Variants in PCDHGA3 observed in about 807,000 individuals in gnomAD.
PCDHGA3 encodes the protein protocadherin gamma subfamily A, 3.
Under a neutral mutation model 58.5 loss-of-function variants are expected in PCDHGA3, and 40 were observed. The ratio of observed to expected loss-of-function variants is 0.68; its 90% CI spans 0.53 to 0.89. The LOEUF is 0.89. Ranked by LOEUF, PCDHGA3 falls within the 40% of genes least tolerant of loss-of-function variation. The probability of loss-of-function intolerance (pLI) is 0.00; values close to 1 mark genes in which losing one functional copy is unlikely to be tolerated. For synonymous variants in PCDHGA3, 530 were observed against 525.7 expected, an observed-to-expected ratio of 1.01 and a Z score of -0.11; for missense variants, 1,223 against 1,195.9, an observed-to-expected ratio of 1.02 and a Z score of -0.33.
intron 1 of PCDHGA3, chr5:141,375,942 G>A (rs1772069544): frequency 1.2e-6 from 2 of 1,613,400 alleles, no homozygotes; most frequent in African/African-American, 2.7e-5. Flanking sequence ...TTCTCAGTGG[G>A]CCTGCACACG....
At chr5:141,400,404 GT>G (rs2094016313) in intron 1 of PCDHGA3, 1 of 1,613,948 alleles carries the variant, frequency 6.2e-7, no homozygotes, top group South Asian at 1.1e-5. Flanking sequence ...GAAAGACGGA[GT>G]TTAATTTCCT....
intron 1 of PCDHGA3, among the ~76,000 whole-genome samples, chr5:141,484,211 G>A (rs1362875959): frequency 6.6e-6 from 1 of 152,158 alleles, no homozygotes; most frequent in Non-Finnish European, 1.5e-5. Context: ...ATGAACATTA[G>A]CATTCTGCCA....
intron 1 of PCDHGA3, chr5:141,384,678 G>A (rs770501792): frequency 5.0e-6 from 8 of 1,614,194 alleles, no homozygotes; most frequent in Middle Eastern, 3.3e-4. Flanking sequence ...AGGTGGTGGC[G>A]GTGGACAAAG....
At chr5:141,374,560 C>A (rs185125730) in intron 1 of PCDHGA3, 12 of 1,613,708 alleles carry the variant, frequency 7.4e-6, no homozygotes, top group African/African-American at 1.3e-5. Context: ...AGGTCTATGA[C>A]CCTGATGTGG....
intron 1 of PCDHGA3, chr5:141,391,730 G>T (rs1334378138): frequency 1.3e-5 from 2 of 152,140 alleles, no homozygotes; most frequent in African/African-American, 4.8e-5. Flanking sequence ...AGACTTTTTT[G>T]TAGTCATACT....
At chr5:141,435,112 T>A (rs906494104) in intron 1 of PCDHGA3, among the ~76,000 whole-genome samples, 1 of 152,102 alleles carries the variant, frequency 6.6e-6, no homozygotes, top group Non-Finnish European at 1.5e-5. Context: ...GGGGGAGAAA[T>A]CTAATTCAAT....
intron 1 of PCDHGA3, chr5:141,365,288 G>T (rs1293975471): frequency 1.2e-6 from 2 of 1,613,842 alleles, no homozygotes; most frequent in African/African-American, 2.7e-5. Context: ...CATGGAAGTG[G>T]TAGCTCAGGA....
intron 1 of PCDHGA3, chr5:141,478,289 G>A (rs1210628852): frequency 1.2e-6 from 2 of 1,614,146 alleles, no homozygotes; most frequent in African/African-American, 2.7e-5. Context: ...GCAGTCTAGA[G>A]ACCTATACCG....
In PCDHGA3 at chr5:141,422,942, G is replaced by T. The variant is rs199976232; in HGVS notation, c.2425-71865G>T. On this transcript the variant is annotated intron_variant, in intron 1 of 3. Transcript: ENST00000253812. Reference sequence around the variant, plus strand: ...CTGTACCCTGCCCTCCCCACAGACGGCTCCACTGGCGTGGAGCTGGCGCCC... The same window carrying T: ...CTGTACCCTGCCCTCCCCACAGACGTCTCCACTGGCGTGGAGCTGGCGCCC... The T allele has an allele frequency of 3.6e-4, 583 of 1,614,096 alleles. 1 individual carries two copies. Among genetic ancestry groups the T allele is most frequent in the South Asian group, 5.2e-4 (47 of 91,090 alleles).
At position 141,432,872 on chromosome 5, in the gene PCDHGA3, C is replaced by T; in HGVS notation, c.2425-61935C>T. On this transcript the variant is annotated intron_variant, in intron 1 of 3. Transcript: ENST00000253812. This position sits in a 1 kb window ranked among gnomAD's most constrained non-coding sequence, Gnocchi z 6.0. ...GGTGGCCGCGGTCTCCTGCGTCTTC[C>T]TGGCCTTCGTCATCTTGCTGCTGGC... is the stretch of plus-strand genomic sequence containing the variant. 1.9e-6 allele frequency: 3 copies of T among 1,614,192 alleles called. No homozygotes were observed. Among genetic ancestry groups the T allele is most frequent in the Non-Finnish European group, 2.5e-6 (3 of 1,180,018 alleles).
chr5:141,395,101 C>A (rs1197761808), intron 1 of PCDHGA3: 2 of 1,614,164 alleles, frequency 1.2e-6, no homozygotes, highest in East Asian at 4.5e-5. Context: ...ACCGCCGACT[C>A]GCGGAAGAGT....
At chr5:141,385,516 C>A in intron 1 of PCDHGA3, 1 of 1,367,218 alleles carries the variant, frequency 7.3e-7, no homozygotes, top group South Asian at 1.9e-5. Flanking sequence ...TAGTGAAAGC[C>A]TATGGACAAG....
intron 1 of PCDHGA3, chr5:141,357,599 C>T (rs1279511012): frequency 6.2e-7 from 1 of 1,613,924 alleles, no homozygotes; most frequent in African/African-American, 1.3e-5. Flanking sequence ...TTACTTGAAA[C>T]AAAAGGAGAC....
rs1483845993 is a variant in PCDHGA3, at chr5:141,372,004, A to G, written c.2424+25547A>G. On this transcript the variant is annotated intron_variant, in intron 1 of 3. Transcript: ENST00000253812. ...GAGCTCACTCTGCAGGCCCGCGACC[A>G]GGGCTCGCCTACGCTCAGCGCCAAC... 5.0e-6 allele frequency: 8 copies of G among 1,613,122 alleles called. No homozygotes were observed. The highest frequency in any genetic ancestry group is 6.8e-6 in the Non-Finnish European group (8 of 1,179,734).
At chr5:141,414,097 T>C (rs1442366960) in intron 1 of PCDHGA3, 1 of 1,594,352 alleles carries the variant, frequency 6.3e-7, no homozygotes, top group South Asian at 1.1e-5. Context: ...AATAAAAATA[T>C]CAGAAAATCT....
chr5:141,430,796 C>A, intron 1 of PCDHGA3: 1 of 1,522,232 alleles, frequency 6.6e-7, no homozygotes, highest in Middle Eastern at 1.8e-4. Context: ...CTACAAAGGG[C>A]TTGTCCTGCT....
At chr5:141,383,939 T>C (rs1272507661) in intron 1 of PCDHGA3, 1 of 1,613,738 alleles carries the variant, frequency 6.2e-7, no homozygotes, top group African/African-American at 1.3e-5. Context: ...GCTCCAGAAG[T>C]GACTATGACG....
rs148641580 is a variant in PCDHGA3 at position 141,437,874 on chromosome 5, A to C, written c.2425-56933A>C. 3.9e-4 allele frequency among the ~76,000 whole-genome samples: 59 copies of C among 151,954 alleles called. 1 individual carries two copies. In the East Asian group the frequency reaches 5.8e-3, roughly 15 times the overall value. Reference sequence around the variant, plus strand: ...TGCCTTAGCCTCCCGAGTAGCTGGGACTACAGGCACACGCCACCACACCCA... The same window carrying C: ...TGCCTTAGCCTCCCGAGTAGCTGGGCCTACAGGCACACGCCACCACACCCA... On this transcript the variant is annotated intron_variant, in intron 1 of 3. Transcript: ENST00000253812.
intron 1 of PCDHGA3, among the ~76,000 whole-genome samples, chr5:141,363,946 A>T (rs1763122244): frequency 1.3e-5 from 2 of 152,228 alleles, no homozygotes; most frequent in African/African-American, 4.8e-5. Flanking sequence ...AATCATATTG[A>T]TCTCAGGGAT....
Sources: allele counts gnomAD v4.1 joint callset (sites outside exome capture counted in the v4.1 genomes callset), GRCh38; gene constraint gnomAD v4.1.1; non-coding constraint Gnocchi (gnomAD v3.1); transcripts MANE v1.5; gene names NCBI Gene and HGNC (gene_info 2026-07-23, HGNC 2026-07-21).